The following ROR1 variants were observed in gnomAD, a reference collection of about 807,000 sequenced individuals.
ROR1 encodes inactive tyrosine-protein kinase transmembrane receptor ROR1.
Under a neutral mutation model 78.8 loss-of-function variants are expected in ROR1, and 19 were observed. That is an observed-to-expected ratio of 0.24 (90% CI 0.17 to 0.35). The LOEUF (loss-of-function observed/expected upper bound fraction) is 0.35, where lower values mean the gene tolerates loss of function less well. Ranked by LOEUF, ROR1 falls within the 10% of genes least tolerant of loss-of-function variation. ROR1 has a pLI of 1.00. For synonymous variants in ROR1, 386 were observed against 433.6 expected (o/e 0.89, Z 1.36); for missense variants, 917 against 1,177.8 (o/e 0.78, Z 3.24).
chr1:64,079,622 C>T (rs1461883868), intron 4 of ROR1, among the ~76,000 whole-genome samples: 3 of 152,094 alleles, frequency 2.0e-5, no homozygotes, highest in African/African-American at 7.2e-5. Flanking sequence ...GCTGGGATTA[C>T]AGGCACCTGC....
At chr1:63,910,053 A>G (rs1645558426) in intron 1 of ROR1, among the ~76,000 whole-genome samples, 3 of 152,208 alleles carry the variant, frequency 2.0e-5, no homozygotes. Flanking sequence ...TTAATCTATT[A>G]TATAATTCAG....
intron 1 of ROR1, among the ~76,000 whole-genome samples, chr1:63,908,667 A>C (rs1645546267): frequency 6.6e-6 from 1 of 152,198 alleles, no homozygotes; most frequent in Non-Finnish European, 1.5e-5. Context: ...TAGATTTTGC[A>C]TCTCCCCTGA....
chr1:64,079,470 A>ATTTTTTTTTTTTTTTT (rs71056020), intron 4 of ROR1, among the ~76,000 whole-genome samples: 1 of 146,280 alleles, frequency 6.8e-6, no homozygotes. Context: ...CTTGATTGGG[A>ATTTTTTTTTTTTTTTT]TTTTTTTTTT....
chr1:64,031,270 A>G (rs1304334695), intron 2 of ROR1, among the ~76,000 whole-genome samples: 6 of 152,202 alleles, frequency 3.9e-5, no homozygotes, highest in Non-Finnish European at 5.9e-5. Flanking sequence ...GTATTTTTCA[A>G]CCAAAGGCTA....
chr1:63,870,762 A>G (rs1325788299), intron 1 of ROR1, among the ~76,000 whole-genome samples: 1 of 152,146 alleles, frequency 6.6e-6, no homozygotes, highest in Non-Finnish European at 1.5e-5. Context: ...GGGGTGTAAA[A>G]TGATAACTCA....
chr1:63,993,006 T>C (rs985457922), intron 1 of ROR1, among the ~76,000 whole-genome samples: 3 of 152,190 alleles, frequency 2.0e-5, no homozygotes, highest in Non-Finnish European at 4.4e-5. Context: ...ACCTAATAAG[T>C]GTCCAACACG....
chr1:64,010,694 C>T (rs1235208340), intron 2 of ROR1, among the ~76,000 whole-genome samples: 2 of 152,132 alleles, frequency 1.3e-5, no homozygotes, highest in Non-Finnish European at 2.9e-5. Flanking sequence ...CCCATAATCC[C>T]TACGTGTTGT....
chr1:64,039,128 G>A (rs1462508895), intron 2 of ROR1, among the ~76,000 whole-genome samples: 1 of 152,212 alleles, frequency 6.6e-6, no homozygotes, highest in African/African-American at 2.4e-5. Context: ...GAGACCTTGA[G>A]TTGTGGTCAA....
intron 1 of ROR1, among the ~76,000 whole-genome samples, chr1:63,928,587 T>G (rs916225233): frequency 1.3e-5 from 2 of 152,182 alleles, no homozygotes; most frequent in African/African-American, 4.8e-5. Context: ...AAGACTTAGC[T>G]TATATAGGCT....
chr1:64,050,224 A>G (rs1435494849), intron 3 of ROR1, among the ~76,000 whole-genome samples: 1 of 152,212 alleles, frequency 6.6e-6, no homozygotes, highest in African/African-American at 2.4e-5. Flanking sequence ...TTCTGACCTC[A>G]GAGCCCCTAA....
intron 1 of ROR1, among the ~76,000 whole-genome samples, chr1:63,802,870 T>G (rs1228540321): frequency 6.6e-6 from 1 of 152,180 alleles, no homozygotes; most frequent in Non-Finnish European, 1.5e-5. Flanking sequence ...AGTTTGAAAT[T>G]TTCCTTTGGG....
At chr1:64,153,120 A>G (rs1025421475) in intron 7 of ROR1, among the ~76,000 whole-genome samples, 3 of 152,214 alleles carry the variant, frequency 2.0e-5, no homozygotes, top group Non-Finnish European at 2.9e-5. Context: ...AAGGACTTGA[A>G]TAGACATTCC....
chr1:63,943,554 A>G (rs984090378), intron 1 of ROR1, among the ~76,000 whole-genome samples: 15 of 152,280 alleles, frequency 9.9e-5, no homozygotes, highest in African/African-American at 3.6e-4. Context: ...CCAGGAAGGG[A>G]AAAAAGCTCA....
chr1:64,076,228 T>C (rs1477956546), intron 4 of ROR1, among the ~76,000 whole-genome samples: 1 of 151,814 alleles, frequency 6.6e-6, no homozygotes, highest in Non-Finnish European at 1.5e-5. Context: ...AGAGCAAGAG[T>C]TCCCCAAGTA....
chr1:64,066,318 CTTTTTTT>C (rs747396331), intron 4 of ROR1, among the ~76,000 whole-genome samples: 1 of 139,870 alleles, frequency 7.1e-6, no homozygotes, highest in Non-Finnish European at 1.6e-5. Context: ...TTTAAACTCA[CTTTTTTT>C]TTTTTTTTTT....
At chr1:64,143,939 G>T (rs1203943998) in intron 7 of ROR1, among the ~76,000 whole-genome samples, 1 of 152,254 alleles carries the variant, frequency 6.6e-6, no homozygotes, top group East Asian at 1.9e-4. Context: ...TGGGCTGCTG[G>T]GTTGAGACTA....
At chr1:64,023,053 T>C (rs1488126672) in intron 2 of ROR1, among the ~76,000 whole-genome samples, 1 of 152,188 alleles carries the variant, frequency 6.6e-6, no homozygotes, top group Non-Finnish European at 1.5e-5. Flanking sequence ...GGAAAGCCTT[T>C]CTACTGGTGA....
rs938097434 is a variant in ROR1 at position 64,035,055 on chromosome 1, A to G, written c.164-14636A>G. Among the ~76,000 whole-genome samples, 4 of 152,278 alleles carry G rather than the reference A, an allele frequency of 2.6e-5. No individual in the cohort carries two copies. In the East Asian group the frequency reaches 7.7e-4, roughly 29 times the overall value. On this transcript the variant is annotated intron_variant, in intron 2 of 8. Transcript: ENST00000371079. ...GAATTGGTGTGGGAGTTCAGTGGCA[A>G]TATTTTCATATGTTTTTCAAATCAC... is the stretch of plus-strand genomic sequence containing the variant.
At chr1:64,102,639 T>G (rs78882519) in intron 4 of ROR1, among the ~76,000 whole-genome samples, 20,617 of 152,162 alleles carry the variant, frequency 0.14, 1,590 homozygotes, top group African/African-American at 0.19. Flanking sequence ...CTTAGAAAAA[T>G]CTTCCTGAAG....
Sources: gnomAD v4.1 joint callset for allele counts (sites outside exome capture counted in the v4.1 genomes callset) on GRCh38, gnomAD v4.1.1 for gene constraint, MANE v1.5 for transcripts, NCBI Gene and HGNC (gene_info 2026-07-23, HGNC 2026-07-21) for gene names.